Variants in PTPRN2 observed in about 807,000 individuals in gnomAD.
PTPRN2 encodes the protein protein tyrosine phosphatase receptor type N2.
PTPRN2 carries 74 observed loss-of-function variants against 118.8 expected under a neutral mutation model. The ratio of observed to expected loss-of-function variants is 0.62; its 90% CI spans 0.52 to 0.76. PTPRN2 has a LOEUF of 0.76. Ranked by LOEUF, PTPRN2 falls within the 30% of genes least tolerant of loss-of-function variation. The pLI, the probability that PTPRN2 is intolerant of heterozygous loss-of-function variation, is 0.00. For synonymous variants in PTPRN2, 641 were observed against 608.0 expected (o/e 1.05, Z -0.80); for missense variants, 1,481 against 1,394.4 (o/e 1.06, Z -0.99).
intron 3 of PTPRN2, among the ~76,000 whole-genome samples, chr7:158,312,284 A>C (rs1477925298): frequency 2.0e-4 from 7 of 34,582 alleles, no homozygotes; most frequent in Admixed American, 4.6e-4. Context: ...GTAGACACGC[A>C]CACATGCACA....
At chr7:158,299,463 A>T (rs1352457504) in intron 3 of PTPRN2, among the ~76,000 whole-genome samples, 1 of 151,880 alleles carries the variant, frequency 6.6e-6, no homozygotes, top group Non-Finnish European at 1.5e-5. Context: ...ACATCCGGCT[A>T]ATTTTTGTAT....
At chr7:158,447,561 C>T (rs1160715879) in intron 2 of PTPRN2, among the ~76,000 whole-genome samples, 7 of 152,174 alleles carry the variant, frequency 4.6e-5, no homozygotes, top group African/African-American at 1.7e-4. Context: ...CCGATAAGGC[C>T]GACCCGCCCA....
intron 2 of PTPRN2, among the ~76,000 whole-genome samples, chr7:158,442,941 A>G (rs538800919): frequency 2.0e-5 from 3 of 152,102 alleles, no homozygotes; most frequent in East Asian, 1.9e-4. Context: ...AAATGAGCAC[A>G]TTAGTGAGTT....
intron 11 of PTPRN2, among the ~76,000 whole-genome samples, chr7:158,080,549 A>AAT (rs1812738318): frequency 6.6e-6 from 1 of 150,828 alleles, no homozygotes; most frequent in Non-Finnish European, 1.5e-5. Flanking sequence ...AAGATTAAAC[A>AAT]ATACACTCTA....
chr7:158,558,109 C>A (rs1349944639), intron 1 of PTPRN2, among the ~76,000 whole-genome samples: 1 of 152,238 alleles, frequency 6.6e-6, no homozygotes, highest in African/African-American at 2.4e-5. Flanking sequence ...CTCAGCCTCC[C>A]AAGGAGCTGA....
At chr7:157,969,680 C>A (rs997771079) in intron 11 of PTPRN2, among the ~76,000 whole-genome samples, 2 of 151,704 alleles carry the variant, frequency 1.3e-5, no homozygotes, top group Admixed American at 1.3e-4. Flanking sequence ...GGAGTTGAGT[C>A]CTGGTGGGAG....
chr7:158,188,943 G>A (rs1825533129), intron 5 of PTPRN2, among the ~76,000 whole-genome samples: 1 of 152,164 alleles, frequency 6.6e-6, no homozygotes, highest in Non-Finnish European at 1.5e-5. Context: ...GAGTCCAGCA[G>A]AACCACTGAG....
At chr7:157,745,947 G>A (rs1800900115) in intron 12 of PTPRN2, among the ~76,000 whole-genome samples, 1 of 151,800 alleles carries the variant, frequency 6.6e-6, no homozygotes. Flanking sequence ...GGCCTTGAGT[G>A]TGGAGATCAC....
At chr7:158,441,783 T>C (rs1355613516) in intron 2 of PTPRN2, among the ~76,000 whole-genome samples, 1 of 138,690 alleles carries the variant, frequency 7.2e-6, no homozygotes, top group Non-Finnish European at 1.6e-5. Context: ...GTGGTGGTGA[T>C]GGTGATAGTG....
chr7:158,164,664 C>T (rs983036901), intron 6 of PTPRN2, among the ~76,000 whole-genome samples: 2 of 152,144 alleles, frequency 1.3e-5, no homozygotes, highest in Non-Finnish European at 2.9e-5. Flanking sequence ...ATGTTTATTG[C>T]TTTCTGTTCC....
chr7:157,875,045 GCACA>G (rs1436793296), intron 12 of PTPRN2, among the ~76,000 whole-genome samples: 9 of 150,636 alleles, frequency 6.0e-5, no homozygotes, highest in East Asian at 2.0e-4. Flanking sequence ...ACACACACGC[GCACA>G]CACAGACACA....
At position 158,196,258 on chromosome 7, in the gene PTPRN2, C is replaced by G. The variant is rs547401841; in HGVS notation, c.381-3763G>C. Among the ~76,000 whole-genome samples the G allele has an allele frequency of 9.8e-5, 15 of 152,308 alleles. 1 individual carries two copies. In the South Asian group the frequency reaches 3.1e-3, roughly 32 times the overall value. Reference sequence around the variant, plus strand: ...TCCAGGGCTCTCTGTGCACTCTTCTCTTTTATACTCTGACCTGTGAACTCA... The same window carrying G: ...TCCAGGGCTCTCTGTGCACTCTTCTGTTTTATACTCTGACCTGTGAACTCA... On this transcript the variant is annotated intron_variant, in intron 4 of 22. Transcript: ENST00000389418.
At chr7:158,271,099 GCCCCCTCCACCTGGACCA>G (rs974054579) in intron 3 of PTPRN2, among the ~76,000 whole-genome samples, 14 of 84,200 alleles carry the variant, frequency 1.7e-4, no homozygotes, top group East Asian at 2.9e-4. Context: ...CACCTGGGCT[GCCCCCTCCACCTGGACCA>G]CCCCCTCCAC....
intron 11 of PTPRN2, among the ~76,000 whole-genome samples, chr7:157,943,475 A>T (rs2128794127): frequency 6.6e-6 from 1 of 152,226 alleles, no homozygotes; most frequent in East Asian, 1.9e-4. Flanking sequence ...GGCTCAGCAC[A>T]GCACCAGCTT....
intron 7 of PTPRN2, among the ~76,000 whole-genome samples, chr7:158,137,185 A>C (rs1227479706): frequency 6.6e-6 from 1 of 152,134 alleles, no homozygotes; most frequent in Non-Finnish European, 1.5e-5. Flanking sequence ...TTGGGAGGCC[A>C]AGGTGGGCGG....
intron 21 of PTPRN2, among the ~76,000 whole-genome samples, chr7:157,551,754 ACCCACAGCCACCATGCAC>A (rs1798632153): frequency 5.1e-5 from 1 of 19,538 alleles, no homozygotes; most frequent in Non-Finnish European, 1.0e-4. Flanking sequence ...CCACCACACA[ACCCACAGCCACCATGCAC>A]CCCACAGCCA....
At chr7:158,241,770 C>T (rs1347393710) in intron 3 of PTPRN2, among the ~76,000 whole-genome samples, 1 of 152,178 alleles carries the variant, frequency 6.6e-6, no homozygotes, top group South Asian at 2.1e-4. Context: ...CTCCTAATCA[C>T]AGCTCTGAGG....
At chr7:158,478,493 G>A (rs555196423) in intron 2 of PTPRN2, among the ~76,000 whole-genome samples, 1 of 152,310 alleles carries the variant, frequency 6.6e-6, no homozygotes, top group African/African-American at 2.4e-5. Flanking sequence ...TCAAAGAACG[G>A]GTGGGATGCG....
intron 2 of PTPRN2, among the ~76,000 whole-genome samples, chr7:158,422,085 G>C (rs1815300011): frequency 6.6e-6 from 1 of 152,164 alleles, no homozygotes; most frequent in Non-Finnish European, 1.5e-5. Context: ...ACTTTTCACA[G>C]AATATCTACT....
Sources: allele counts gnomAD v4.1 joint callset (sites outside exome capture counted in the v4.1 genomes callset), GRCh38; gene constraint gnomAD v4.1.1; transcripts MANE v1.5; gene names NCBI Gene and HGNC (gene_info 2026-07-23, HGNC 2026-07-21).